The following AOPEP variants were observed in gnomAD, a reference collection of about 807,000 sequenced individuals.
AOPEP encodes aminopeptidase O.
AOPEP carries 77 observed loss-of-function variants against 98.1 expected under a neutral mutation model. That is an observed-to-expected ratio of 0.78 (90% CI 0.65 to 0.95). AOPEP has a LOEUF of 0.95. Among genes scored for constraint, AOPEP ranks in the 40% least tolerant of loss-of-function variants. The pLI is 0.00. For synonymous variants in AOPEP, 346 were observed against 365.3 expected, an observed-to-expected ratio of 0.95 and a Z score of 0.60; for missense variants, 1,024 against 1,024.7, an observed-to-expected ratio of 1.00 and a Z score of 0.01.
chr9:94,869,048 G>C (rs1196488272), intron 5 of AOPEP, among the ~76,000 whole-genome samples: 1 of 152,044 alleles, frequency 6.6e-6, no homozygotes, highest in Non-Finnish European at 1.5e-5. Context: ...GGCCAGCATG[G>C]TGAAACCCCT....
intron 13 of AOPEP, among the ~76,000 whole-genome samples, chr9:95,044,594 A>G (rs1014589369): frequency 3.9e-5 from 6 of 152,170 alleles, no homozygotes; most frequent in Non-Finnish European, 5.9e-5. Context: ...GAAAAACGTG[A>G]CCCCTTGAAT....
intron 5 of AOPEP, among the ~76,000 whole-genome samples, chr9:94,803,532 G>A (rs1848623481): frequency 6.6e-6 from 1 of 152,134 alleles, no homozygotes; most frequent in South Asian, 2.1e-4. Flanking sequence ...TTTTGAGCTG[G>A]ATTCTGATAT....
chr9:94,897,763 GT>G (rs1371336164), intron 5 of AOPEP, among the ~76,000 whole-genome samples: 9 of 150,620 alleles, frequency 6.0e-5, no homozygotes, highest in Non-Finnish European at 1.3e-4. Flanking sequence ...ATTCTCATTT[GT>G]TTTTTTGTGG....
At chr9:94,915,101 TCTGGG>T (rs2052613777) in intron 5 of AOPEP, among the ~76,000 whole-genome samples, 1 of 152,146 alleles carries the variant, frequency 6.6e-6, no homozygotes, top group South Asian at 2.1e-4. Flanking sequence ...ACATATTAAC[TCTGGG>T]ATTTTAGGCA....
At chr9:94,961,925 A>G (rs2058868423) in intron 9 of AOPEP, among the ~76,000 whole-genome samples, 2 of 152,098 alleles carry the variant, frequency 1.3e-5, no homozygotes, top group South Asian at 2.1e-4. Context: ...TTATTCTCAT[A>G]TGTATTGGAA....
intron 5 of AOPEP, among the ~76,000 whole-genome samples, chr9:94,849,730 G>A (rs1294928864): frequency 6.6e-6 from 1 of 152,008 alleles, no homozygotes; most frequent in African/African-American, 2.4e-5. Flanking sequence ...TTGGGTTTGT[G>A]CTCCTGTGAG....
chr9:94,900,952 C>T (rs988937697), intron 5 of AOPEP: 1 of 152,200 alleles, frequency 6.6e-6, no homozygotes, highest in African/African-American at 2.4e-5. Context: ...CTCTTTCCTG[C>T]AATAATGCTG....
chr9:94,867,147 C>CA (rs2045797438), intron 5 of AOPEP, among the ~76,000 whole-genome samples: 1 of 152,214 alleles, frequency 6.6e-6, no homozygotes, highest in African/African-American at 2.4e-5. Flanking sequence ...TTTGAAACAG[C>CA]AAAGCCTTTC....
chr9:94,907,269 G>T (rs1338486172), intron 5 of AOPEP, among the ~76,000 whole-genome samples: 2 of 152,190 alleles, frequency 1.3e-5, no homozygotes, highest in Non-Finnish European at 2.9e-5. Flanking sequence ...ACACCTGCAG[G>T]CATGTGTGGA....
the AOPEP span, among the ~76,000 whole-genome samples, chr9:95,119,432 C>A: frequency 8.7e-4 from 128 of 147,670 alleles, no homozygotes; most frequent in African/African-American, 3.1e-3. Context: ...GTGGTGTGAT[C>A]TTGGCTCCCT....
Position 94,861,016 on chromosome 9 carries a change from T to C in AOPEP, c.1364+60014T>C, listed in dbSNP as rs115028160. Among the ~76,000 whole-genome samples, 97 of 152,310 alleles carry C rather than the reference T, an allele frequency of 6.4e-4. 1 individual carries two copies. Among genetic ancestry groups the C allele is most frequent in the African/African-American group, 2.1e-3 (87 of 41,564 alleles). The stretch of plus-strand genomic sequence containing the variant: ...AGATTCGGTGCTTTTTGCGGTTTCT[T>C]TCAGCTTCAGTGTGCTGACAATGCT... On this transcript the variant is annotated intron_variant, in intron 5 of 16. Transcript: ENST00000375315.
At chr9:95,104,651 A>G in the AOPEP span, among the ~76,000 whole-genome samples, 4 of 152,172 alleles carry the variant, frequency 2.6e-5, no homozygotes, top group Non-Finnish European at 5.9e-5. Context: ...TGGCATCAGG[A>G]TAACTGAAGC....
rs141150121 is a variant in AOPEP at position 95,005,552 on chromosome 9, G to A, written c.2051G>A (p.Trp684Ter). The A allele has an allele frequency of 6.2e-7, 1 of 1,613,984 alleles. No homozygotes were observed. Among genetic ancestry groups the A allele is most frequent in the Non-Finnish European group, 8.5e-7 (1 of 1,179,936 alleles). The change falls in exon 13 of 17, where the codon TGG (tryptophan) becomes TAG (stop). Residue 684 changes from tryptophan to a stop codon, truncating the protein, a stop_gained. Transcript: ENST00000375315. LOFTEE classifies it high-confidence loss of function. The part of the protein sequence containing the change: ...ARQVRAEVTK[W>*]IGVNRRPRKR... ...GTTTTTGAACCTCAGGTCACGAAATGGATTGGAGTGAACCGGAGACCCCGA... is the reference window on the plus strand; with the variant it reads ...GTTTTTGAACCTCAGGTCACGAAATAGATTGGAGTGAACCGGAGACCCCGA...
the AOPEP span, chr9:95,126,420 T>A: frequency 1.8e-6 from 2 of 1,102,624 alleles, no homozygotes; most frequent in Admixed American, 3.8e-5. Flanking sequence ...AATCAGAAAC[T>A]CTAATTTCCC....
chr9:94,727,335 A>G (rs1038707584), intron 1 of AOPEP, among the ~76,000 whole-genome samples: 4 of 152,202 alleles, frequency 2.6e-5, no homozygotes, highest in Admixed American at 2.0e-4. Flanking sequence ...ATGATTATCT[A>G]TTGTGATAAT....
At chr9:95,148,783 G>C in the AOPEP span, among the ~76,000 whole-genome samples, 1 of 152,218 alleles carries the variant, frequency 6.6e-6, no homozygotes, top group African/African-American at 2.4e-5. Context: ...ATGTAACAGA[G>C]TATGGAAAGT....
rs1472352254 is a variant in AOPEP at position 94,759,917 on chromosome 9, T to A, written c.134T>A (p.Leu45His). The change falls in exon 2 of 17, where the codon CTT (leucine) becomes CAT (histidine). Residue 45 changes from leucine (L) to histidine (H), a missense_variant. Leu to His is a moderately conservative substitution (Grantham distance 99). Transcript: ENST00000375315. ...CAAGTCATTGAGGGGACCATAGTGC[T>A]TTTCCTCGAGGATGGAAACAGATTC... Reference protein sequence around the residue: ...ESQVIEGTIVLFLEDGNRFKK... With the variant: ...ESQVIEGTIVHFLEDGNRFKK... 1 of 1,614,146 alleles carries A rather than the reference T, an allele frequency of 6.2e-7. No individual in the cohort carries two copies. The highest frequency in any genetic ancestry group is 1.1e-5 in the South Asian group (1 of 91,076).
At chr9:94,999,090 GA>G (rs1458049097) in intron 11 of AOPEP, among the ~76,000 whole-genome samples, 1 of 151,708 alleles carries the variant, frequency 6.6e-6, no homozygotes, top group Non-Finnish European at 1.5e-5. Context: ...AGAACCATAA[GA>G]TTTTCCCAGA....
chr9:94,898,831 T>C (rs1367146342), intron 5 of AOPEP, among the ~76,000 whole-genome samples: 2 of 147,154 alleles, frequency 1.4e-5, no homozygotes, highest in Admixed American at 1.4e-4. Context: ...TAGTCCCAGC[T>C]ACTCAGGAGG....
Sources: allele counts gnomAD v4.1 joint callset (sites outside exome capture counted in the v4.1 genomes callset), GRCh38; gene constraint gnomAD v4.1.1; transcripts MANE v1.5; gene names NCBI Gene and HGNC (gene_info 2026-07-23, HGNC 2026-07-21).